The following SCAPER variants were observed in gnomAD, a reference collection of about 807,000 sequenced individuals.
SCAPER encodes the protein S-phase cyclin A associated protein in the ER.
In SCAPER, 98 loss-of-function variants were observed where a neutral mutation model predicts 182.2. The observed-to-expected ratio is 0.54, with a 90% confidence interval of 0.46 to 0.64. The LOEUF (loss-of-function observed/expected upper bound fraction) is 0.64, where lower values mean the gene tolerates loss of function less well. Ranked by LOEUF, SCAPER falls within the 30% of genes least tolerant of loss-of-function variation. The pLI is 0.00. For missense variants in SCAPER, 1,432 were observed against 1,690.0 expected, an observed-to-expected ratio of 0.85 and a Z score of 2.68; for synonymous variants, 605 against 564.6, an observed-to-expected ratio of 1.07 and a Z score of -1.01.
intron 22 of SCAPER, among the ~76,000 whole-genome samples, chr15:76,619,001 T>C (rs905108604): frequency 2.6e-5 from 4 of 152,176 alleles, no homozygotes; most frequent in Non-Finnish European, 5.9e-5. Context: ...CACACCACTA[T>C]GCCCAGCTAG....
At chr15:76,621,114 C>T (rs1198315462) in intron 22 of SCAPER, among the ~76,000 whole-genome samples, 4 of 152,202 alleles carry the variant, frequency 2.6e-5, no homozygotes, top group Non-Finnish European at 5.9e-5. Flanking sequence ...TCCTAAACTG[C>T]TAATGCACAC....
At chr15:76,557,250 A>T (rs1603860) in intron 23 of SCAPER, among the ~76,000 whole-genome samples, 49,366 of 152,090 alleles carry the variant, frequency 0.32, 8,276 homozygotes, top group East Asian at 0.55. Flanking sequence ...AATTAAAAAA[A>T]AAAATCTATT....
chr15:76,746,459 G>A (rs1248272106), intron 15 of SCAPER, among the ~76,000 whole-genome samples: 2 of 152,186 alleles, frequency 1.3e-5, no homozygotes, highest in Non-Finnish European at 2.9e-5. Flanking sequence ...AGGAAGATAA[G>A]GAATAACAAA....
intron 6 of SCAPER, among the ~76,000 whole-genome samples, chr15:76,801,346 C>T (rs2065775368): frequency 6.6e-6 from 1 of 152,146 alleles, no homozygotes; most frequent in Admixed American, 6.5e-5. Context: ...CCTATTTAAT[C>T]AGTGTATCAA....
chr15:76,637,762 G>A (rs1203576255), intron 21 of SCAPER, among the ~76,000 whole-genome samples: 2,953 of 131,102 alleles, frequency 0.023, 145 homozygotes, highest in African/African-American at 0.067. Flanking sequence ...GTGTGTGTGT[G>A]TGTGTGTGTG....
intron 24 of SCAPER, among the ~76,000 whole-genome samples, chr15:76,492,800 G>C (rs1227343576): frequency 6.6e-6 from 1 of 150,780 alleles, no homozygotes; most frequent in East Asian, 1.9e-4. Flanking sequence ...AATCTCTTTA[G>C]AGAGATTATT....
chr15:76,685,276 G>C (rs35138393), intron 20 of SCAPER, among the ~76,000 whole-genome samples: 6 of 151,522 alleles, frequency 4.0e-5, no homozygotes, highest in Middle Eastern at 3.4e-3. Flanking sequence ...GAATGCCACC[G>C]CTACATGTGT....
chr15:76,634,752 G>A (rs1213320503), intron 21 of SCAPER, among the ~76,000 whole-genome samples: 1 of 151,954 alleles, frequency 6.6e-6, no homozygotes, highest in Non-Finnish European at 1.5e-5. Flanking sequence ...ATTGCTCATT[G>A]TTTGTATATA....
intron 15 of SCAPER, among the ~76,000 whole-genome samples, chr15:76,740,242 T>A (rs1224132070): frequency 6.6e-6 from 1 of 152,154 alleles, no homozygotes; most frequent in Admixed American, 6.5e-5. Flanking sequence ...GATGAATAGA[T>A]AATAAGCCTT....
At chr15:76,493,771 A>T (rs2052554134) in intron 24 of SCAPER, among the ~76,000 whole-genome samples, 1 of 152,192 alleles carries the variant, frequency 6.6e-6, no homozygotes, top group South Asian at 2.1e-4. Context: ...TAGCAGATTA[A>T]AGTTGACACA....
chr15:76,495,961 G>C (rs1004798804), intron 24 of SCAPER, among the ~76,000 whole-genome samples: 3 of 150,274 alleles, frequency 2.0e-5, no homozygotes, highest in African/African-American at 7.4e-5. Flanking sequence ...CAGGATTTGA[G>C]AGGGAGAAAG....
At chr15:76,493,116 G>C (rs2052491243) in intron 24 of SCAPER, among the ~76,000 whole-genome samples, 2 of 152,014 alleles carry the variant, frequency 1.3e-5, no homozygotes, top group Non-Finnish European at 2.9e-5. Context: ...TCTTCAAGGG[G>C]TGCTAATAAT....
At chr15:76,553,858 A>G (rs774168218) in intron 23 of SCAPER, among the ~76,000 whole-genome samples, 12 of 152,236 alleles carry the variant, frequency 7.9e-5, no homozygotes, top group Non-Finnish European at 1.3e-4. Context: ...AGATTAAAGG[A>G]ACATCAGCCC....
At chr15:76,518,027 G>C (rs1314872730) in intron 23 of SCAPER, among the ~76,000 whole-genome samples, 4 of 152,196 alleles carry the variant, frequency 2.6e-5, no homozygotes, top group African/African-American at 9.7e-5. Flanking sequence ...TGAAATATGA[G>C]TAGTTCTTTT....
chr15:76,517,837 AG>A (rs1236861139), intron 23 of SCAPER, among the ~76,000 whole-genome samples: 1 of 152,172 alleles, frequency 6.6e-6, no homozygotes, highest in Non-Finnish European at 1.5e-5. Context: ...TTTAAAGATA[AG>A]TAAAGTTACT....
intron 23 of SCAPER, among the ~76,000 whole-genome samples, chr15:76,552,032 C>T (rs531155497): frequency 2.0e-5 from 3 of 152,006 alleles, no homozygotes; most frequent in South Asian, 2.1e-4. Context: ...ATGCCTGTAA[C>T]GCCAGCAGTT....
intron 22 of SCAPER, among the ~76,000 whole-genome samples, chr15:76,611,631 A>G (rs971998817): frequency 6.6e-6 from 1 of 152,192 alleles, no homozygotes; most frequent in Non-Finnish European, 1.5e-5. Context: ...AAAAAAAGAA[A>G]GCTTCAGGCA....
intron 20 of SCAPER, among the ~76,000 whole-genome samples, chr15:76,670,167 T>C (rs532899572): frequency 6.6e-6 from 1 of 152,026 alleles, no homozygotes; most frequent in African/African-American, 2.4e-5. Flanking sequence ...CAAAAATGTG[T>C]TCATTATACA....
chr15:76,728,014 T>G (rs1014692479), intron 17 of SCAPER, among the ~76,000 whole-genome samples: 1 of 152,108 alleles, frequency 6.6e-6, no homozygotes, highest in Non-Finnish European at 1.5e-5. Context: ...AGCTATCTTT[T>G]CACATCTACC....
Sources: gnomAD v4.1 joint callset for allele counts (sites outside exome capture counted in the v4.1 genomes callset) on GRCh38, gnomAD v4.1.1 for gene constraint, MANE v1.5 for transcripts, NCBI Gene and HGNC (gene_info 2026-07-23, HGNC 2026-07-21) for gene names.